The following RNFT2 variants were observed in gnomAD, a reference collection of about 807,000 sequenced individuals.
RNFT2 encodes E3 ubiquitin-protein ligase RNFT2.
In RNFT2, 36 loss-of-function variants were observed where a neutral mutation model predicts 53.0. The observed-to-expected ratio is 0.68, with a 90% CI of 0.52 to 0.90. The LOEUF (loss-of-function observed/expected upper bound fraction) is 0.90, where lower values mean the gene tolerates loss of function less well. Ranked by LOEUF, RNFT2 falls within the 40% of genes least tolerant of loss-of-function variation. The probability of loss-of-function intolerance (pLI) is 0.00; values close to 1 mark genes in which losing one functional copy is unlikely to be tolerated. For missense variants in RNFT2, 514 were observed against 585.6 expected, an observed-to-expected ratio of 0.88 and a Z score of 1.26; for synonymous variants, 260 against 253.2, an observed-to-expected ratio of 1.03 and a Z score of -0.26.
intron 5 of RNFT2, among the ~76,000 whole-genome samples, chr12:116,763,883 C>T (rs913130407): frequency 4.0e-5 from 6 of 151,836 alleles, no homozygotes; most frequent in Admixed American, 2.6e-4. Context: ...AGTCATTATA[C>T]GAAAAAAATA....
intron 7 of RNFT2, among the ~76,000 whole-genome samples, chr12:116,810,170 T>C (rs1875300417): frequency 6.6e-6 from 1 of 151,966 alleles, no homozygotes; most frequent in Non-Finnish European, 1.5e-5. Context: ...AGTGGGGGTG[T>C]TGCAGGCAAG....
At chr12:116,750,472 C>T (rs1476769706) in intron 4 of RNFT2, among the ~76,000 whole-genome samples, 165 bp downstream of exon 4, 2 of 152,228 alleles carry the variant, frequency 1.3e-5, no homozygotes, top group South Asian at 2.1e-4. Context: ...AAATCCTGGC[C>T]GACTAGCTGT....
Position 116,819,465 on chromosome 12 carries a change from T to C in RNFT2, c.883-14327T>C, listed in dbSNP as rs1875877066. Among the ~76,000 whole-genome samples the C allele has an allele frequency of 2.0e-5, 3 of 152,044 alleles. No individual in the cohort carries two copies. In the East Asian group the frequency reaches 5.8e-4, roughly 30 times the overall value. On this transcript the variant is annotated intron_variant, in intron 7 of 10. Coordinates refer to ENST00000257575, the MANE Select transcript of RNFT2 (RefSeq NM_001382266.1). Reference sequence around the variant, plus strand: ...CCCGCGGGGCCATGAGATCATGAGATGCCGGCGCTCGCCGAGGAGTCGATT... The same window carrying C: ...CCCGCGGGGCCATGAGATCATGAGACGCCGGCGCTCGCCGAGGAGTCGATT...
chr12:116,777,399 G>T (rs944192981), intron 6 of RNFT2, among the ~76,000 whole-genome samples: 2 of 152,152 alleles, frequency 1.3e-5, no homozygotes, highest in Non-Finnish European at 2.9e-5. Context: ...TCAAAGTGTT[G>T]TCTCTTCACC....
chr12:116,806,384 AT>A (rs1565865901), intron 7 of RNFT2, among the ~76,000 whole-genome samples: 4 of 100,728 alleles, frequency 4.0e-5, no homozygotes, highest in African/African-American at 1.6e-4. Flanking sequence ...AAAAAAAAAT[AT>A]ATATATATAT....
chr12:116,849,271 C>G (rs886684116), intron 10 of RNFT2, 43 bp from the exon 11 acceptor site: 133 of 1,472,578 alleles, frequency 9.0e-5, no homozygotes, highest in Non-Finnish European at 1.2e-4. Context: ...GAGGCAGACG[C>G]TCAGTAAAGA....
intron 7 of RNFT2, among the ~76,000 whole-genome samples, chr12:116,800,863 A>AAAATAAAATAAATAAATAAAATAT (rs34964792): frequency 2.3e-5 from 1 of 42,658 alleles, no homozygotes; most frequent in African/African-American, 5.0e-5. Context: ...TAAAATAAAA[A>AAAATAAAATAAATAAATAAAATAT]CCATTTAACA....
chr12:116,783,932 A>C (rs549978676), intron 7 of RNFT2, among the ~76,000 whole-genome samples: 1 of 152,368 alleles, frequency 6.6e-6, no homozygotes, highest in African/African-American at 2.4e-5. Context: ...AGTACTTTAC[A>C]TGTACAAACT....
At chr12:116,834,266 C>T (rs1377414407) in intron 8 of RNFT2, among the ~76,000 whole-genome samples, 1 of 152,040 alleles carries the variant, frequency 6.6e-6, no homozygotes, top group Admixed American at 6.6e-5. Flanking sequence ...TACAGGCATC[C>T]ACCACTATAC....
intron 6 of RNFT2, among the ~76,000 whole-genome samples, chr12:116,772,686 C>T (rs1206770316): frequency 6.6e-6 from 1 of 152,172 alleles, no homozygotes; most frequent in African/African-American, 2.4e-5. Flanking sequence ...TGTCACCTAA[C>T]AGCAACTCTG....
chr12:116,798,629 C>T (rs1014156735), intron 7 of RNFT2, among the ~76,000 whole-genome samples: 1 of 152,036 alleles, frequency 6.6e-6, no homozygotes, highest in Non-Finnish European at 1.5e-5. Context: ...AGTGCAGTGG[C>T]GTGATCTCAG....
At chr12:116,839,421 G>A (rs774830955) in intron 10 of RNFT2, among the ~76,000 whole-genome samples, 2 of 126,746 alleles carry the variant, frequency 1.6e-5, no homozygotes, top group Admixed American at 8.4e-5. Context: ...GGATGGGTGG[G>A]TGGGTGGATG....
At chr12:116,822,535 T>C (rs1876097895) in intron 7 of RNFT2, among the ~76,000 whole-genome samples, 1 of 152,220 alleles carries the variant, frequency 6.6e-6, no homozygotes, top group African/African-American at 2.4e-5. Flanking sequence ...ACCTGCCTCA[T>C]AGTGGTGTGC....
chr12:116,791,894 T>C lies in RNFT2; in HGVS notation c.882+12546T>C, dbSNP rs554149503. Among the ~76,000 whole-genome samples the C allele has an allele frequency of 2.6e-5, 4 of 152,134 alleles. No homozygotes were observed. In the South Asian group the frequency reaches 8.3e-4, roughly 32 times the overall value. On this transcript the variant is annotated intron_variant, in intron 7 of 10. Coordinates refer to ENST00000257575, the MANE Select transcript of RNFT2 (RefSeq NM_001382266.1). ...ATTTCACATGCCCAGCGGAAGAAAATGAAAACAGCCAGAGGCTAAGAAAGT... is the reference window on the plus strand; with the variant it reads ...ATTTCACATGCCCAGCGGAAGAAAACGAAAACAGCCAGAGGCTAAGAAAGT...
intron 7 of RNFT2, among the ~76,000 whole-genome samples, chr12:116,788,978 ATGG>A (rs769689859): frequency 1.4e-5 from 2 of 140,438 alleles, no homozygotes; most frequent in African/African-American, 2.7e-5. Flanking sequence ...GGATGGATGG[ATGG>A]ATGGGTAGAT....
intron 6 of RNFT2, among the ~76,000 whole-genome samples, chr12:116,769,844 C>T (rs1423697436): frequency 6.6e-6 from 1 of 151,942 alleles, no homozygotes; most frequent in East Asian, 1.9e-4. Context: ...CCAGCCTGAC[C>T]AACATGGTGA....
chr12:116,831,209 A>AG (rs1555209608), intron 7 of RNFT2, among the ~76,000 whole-genome samples: 56 of 151,352 alleles, frequency 3.7e-4, no homozygotes, highest in South Asian at 8.4e-4. Flanking sequence ...AAAAAAAAAA[A>AG]AGAGAGAGAG....
chr12:116,751,703 G>A (rs1566070013), intron 4 of RNFT2, among the ~76,000 whole-genome samples: 1 of 151,692 alleles, frequency 6.6e-6, no homozygotes, highest in East Asian at 2.0e-4. Flanking sequence ...GCCTGGCCTA[G>A]TATACTGTTA....
At chr12:116,781,850 G>A (rs1193042877) in intron 7 of RNFT2, among the ~76,000 whole-genome samples, 2 of 152,024 alleles carry the variant, frequency 1.3e-5, no homozygotes, top group Non-Finnish European at 2.9e-5. Context: ...GAAGAGGCGG[G>A]TGGACTGCCT....
Sources: allele counts gnomAD v4.1 joint callset (sites outside exome capture counted in the v4.1 genomes callset), GRCh38; gene constraint gnomAD v4.1.1; transcripts MANE v1.5; gene names NCBI Gene and HGNC (gene_info 2026-07-23, HGNC 2026-07-21).